Variants in CALCRL observed in about 807,000 individuals in gnomAD.
CALCRL encodes the protein calcitonin receptor like receptor, also known as calcitonin gene-related peptide type 1 receptor.
In CALCRL, 27 loss-of-function variants were observed where a neutral mutation model predicts 60.4. The ratio of observed to expected loss-of-function variants is 0.45; its 90% confidence interval spans 0.33 to 0.62. The LOEUF (loss-of-function observed/expected upper bound fraction) is 0.62, where lower values mean the gene tolerates loss of function less well. CALCRL is among the 20% of genes least tolerant of loss of function. The pLI is 0.03. For synonymous variants in CALCRL, 190 were observed against 182.6 expected (o/e 1.04, Z -0.33); for missense variants, 424 against 540.7 (o/e 0.78, Z 2.14).
intron 8 of CALCRL, among the ~76,000 whole-genome samples, chr2:187,366,657 CAT>C (rs1271193948): frequency 3.3e-5 from 5 of 151,898 alleles, no homozygotes; most frequent in African/African-American, 9.7e-5. Flanking sequence ...ATAATATTCA[CAT>C]GTGAAAAGAT....
At chr2:187,433,484 T>C (rs184206448) in intron 1 of CALCRL, among the ~76,000 whole-genome samples, 53 of 152,176 alleles carry the variant, frequency 3.5e-4, no homozygotes, top group Admixed American at 3.1e-3. Context: ...ATCTGTGGTA[T>C]TAAATTATGT....
intron 12 of CALCRL, among the ~76,000 whole-genome samples, chr2:187,354,486 G>T (rs1686679525): frequency 6.6e-6 from 1 of 151,992 alleles, no homozygotes; most frequent in Admixed American, 6.6e-5. Context: ...AGTCTGAGTG[G>T]AATGACTTGT....
At position 187,342,402 on chromosome 2, in the gene CALCRL, A is replaced by C. The variant is rs905519482; in HGVS notation, c.*3782T>G. Among the ~76,000 whole-genome samples, 3 of 151,730 alleles carry C rather than the reference A, an allele frequency of 2.0e-5. No individual in the cohort carries two copies. The highest frequency in any genetic ancestry group is 4.4e-5 in the Non-Finnish European group (3 of 67,714). On this transcript the variant is annotated 3_prime_UTR_variant, in exon 15 of 15. Coordinates refer to ENST00000392370, the MANE Select transcript of CALCRL (RefSeq NM_005795.6). ...TGCTTTGAATATGAAGTATTATATG[A>C]TATGTCAAGTATATCTCAATGAAGC... is the stretch of plus-strand genomic sequence containing the variant.
At chr2:187,375,135 G>A (rs1413124426) in intron 8 of CALCRL, among the ~76,000 whole-genome samples, 5 of 151,530 alleles carry the variant, frequency 3.3e-5, no homozygotes, top group Admixed American at 1.3e-4. Context: ...AGCCGGGCGC[G>A]GTGGCGGGCG....
At chr2:187,381,890 C>T (rs1396875938) in intron 5 of CALCRL, among the ~76,000 whole-genome samples, 1 of 152,050 alleles carries the variant, frequency 6.6e-6, no homozygotes, top group African/African-American at 2.4e-5. Context: ...ATTCTGATGG[C>T]CTGTAAGTTC....
At chr2:187,413,480 T>C (rs1043110267) in intron 1 of CALCRL, among the ~76,000 whole-genome samples, 2 of 152,124 alleles carry the variant, frequency 1.3e-5, no homozygotes, top group African/African-American at 4.8e-5. Context: ...CCCTCCCATA[T>C]GAGAAAAGCA....
chr2:187,419,573 A>G (rs1689777127), intron 1 of CALCRL, among the ~76,000 whole-genome samples: 1 of 152,212 alleles, frequency 6.6e-6, no homozygotes, highest in South Asian at 2.1e-4. Context: ...CACAGAACTT[A>G]ACACCAAAGT....
chr2:187,415,693 G>T (rs1241660643), intron 1 of CALCRL: 3 of 586,908 alleles, frequency 5.1e-6, no homozygotes, highest in Non-Finnish European at 6.4e-6. Flanking sequence ...TGTCTCCTCC[G>T]ACTTCAACAG....
chr2:187,412,675 T>TA (rs1359436153), intron 1 of CALCRL, among the ~76,000 whole-genome samples: 5 of 152,094 alleles, frequency 3.3e-5, no homozygotes, highest in Admixed American at 6.6e-5. Flanking sequence ...TAAAACTTTT[T>TA]AAAAAAATAG....
At chr2:187,401,468 C>A (rs78013050) in intron 1 of CALCRL, among the ~76,000 whole-genome samples, 2,985 of 151,524 alleles carry the variant, frequency 0.02, 99 homozygotes, top group African/African-American at 0.067. Flanking sequence ...ATACATTTTT[C>A]TTGAAATTTA....
intron 1 of CALCRL, chr2:187,415,930 C>G (rs1305897072): frequency 1.4e-5 from 3 of 221,262 alleles, no homozygotes; most frequent in African/African-American, 7.0e-5. Flanking sequence ...ACACTCAGTC[C>G]CCCACCACAC....
intron 12 of CALCRL, among the ~76,000 whole-genome samples, chr2:187,353,748 T>G (rs998305898): frequency 4.6e-5 from 7 of 151,958 alleles, no homozygotes; most frequent in Non-Finnish European, 1.0e-4. Flanking sequence ...TCCATTGCTC[T>G]TTAAAAAAAG....
intron 12 of CALCRL, among the ~76,000 whole-genome samples, chr2:187,358,589 T>G (rs570507727): frequency 4.6e-5 from 7 of 151,468 alleles, no homozygotes; most frequent in Non-Finnish European, 1.0e-4. Context: ...GTGAACAGCT[T>G]CACCCAGACT....
At chr2:187,400,599 A>G (rs1688847846) in intron 1 of CALCRL, among the ~76,000 whole-genome samples, 2 of 151,486 alleles carry the variant, frequency 1.3e-5, no homozygotes, top group African/African-American at 4.8e-5. Context: ...AGCATCATTT[A>G]TAATAATTAA....
At chr2:187,432,317 T>A (rs1341873513) in intron 1 of CALCRL, among the ~76,000 whole-genome samples, 1 of 152,174 alleles carries the variant, frequency 6.6e-6, no homozygotes, top group Non-Finnish European at 1.5e-5. Flanking sequence ...GTTTGAATTT[T>A]AAGAACTTGA....
chr2:187,405,247 T>A (rs1689066004), intron 1 of CALCRL, among the ~76,000 whole-genome samples: 1 of 152,010 alleles, frequency 6.6e-6, no homozygotes, highest in Admixed American at 6.6e-5. Flanking sequence ...AGACTTATAA[T>A]TTTGAGTAAA....
intron 12 of CALCRL, among the ~76,000 whole-genome samples, chr2:187,355,113 C>T (rs1047453446): frequency 2.0e-5 from 3 of 152,004 alleles, no homozygotes; most frequent in Non-Finnish European, 4.4e-5. Flanking sequence ...TAACAGAAAG[C>T]ATCTCATTTA....
Position 187,391,777 on chromosome 2 carries a change from G to A in CALCRL, c.-292-4021C>T, listed in dbSNP as rs566929534. Among the ~76,000 whole-genome samples, 124 of 151,960 alleles carry A rather than the reference G, an allele frequency of 8.2e-4. 1 individual carries two copies. Among genetic ancestry groups the A allele is most frequent in the Non-Finnish European group, 1.4e-3 (94 of 67,926 alleles). ...ATATCTTCAATATTAAAATAAAAAT[G>A]ATATATTTCATCACAAAAAGAACTG... On this transcript the variant is annotated intron_variant, in intron 1 of 14. Coordinates refer to ENST00000392370, the MANE Select transcript of CALCRL (RefSeq NM_005795.6).
chr2:187,374,092 C>T (rs1401042236), intron 8 of CALCRL, among the ~76,000 whole-genome samples: 1 of 152,030 alleles, frequency 6.6e-6, no homozygotes, highest in African/African-American at 2.4e-5. Context: ...TGCTTGAGCC[C>T]AGGCGTTTGA....
Sources: allele counts gnomAD v4.1 joint callset (sites outside exome capture counted in the v4.1 genomes callset), GRCh38; gene constraint gnomAD v4.1.1; transcripts MANE v1.5; gene names NCBI Gene and HGNC (gene_info 2026-07-23, HGNC 2026-07-21).